Variants in TMEM232 observed in about 807,000 individuals in gnomAD.
TMEM232 encodes the protein transmembrane protein 232.
TMEM232 carries 80 observed loss-of-function variants against 78.8 expected under a neutral mutation model. That is an observed-to-expected ratio of 1.01 (90% confidence interval 0.85 to 1.22). The LOEUF is 1.22. Among genes scored for constraint, TMEM232 ranks in the 50% most tolerant of loss-of-function variants. The probability of loss-of-function intolerance (pLI) is 0.00; values close to 1 mark genes in which losing one functional copy is unlikely to be tolerated. For missense variants in TMEM232, 881 were observed against 742.2 expected, an observed-to-expected ratio of 1.19 and a Z score of -2.17; for synonymous variants, 297 against 254.3, an observed-to-expected ratio of 1.17 and a Z score of -1.60.
chr5:110,389,983 T>C (rs1270638593), intron 4 of TMEM232, among the ~76,000 whole-genome samples: 3 of 152,312 alleles, frequency 2.0e-5, no homozygotes, highest in Admixed American at 6.5e-5. Flanking sequence ...CTGGTACATA[T>C]GTGTGTCTGT....
chr5:110,636,226 G>A (rs537375601), intron 5 of TMEM232, among the ~76,000 whole-genome samples: 2 of 152,054 alleles, frequency 1.3e-5, no homozygotes, highest in South Asian at 4.1e-4. Flanking sequence ...CATGGACAAA[G>A]AGAACAGAAT....
At chr5:110,446,795 CT>C (rs1561505890) in intron 12 of TMEM232, among the ~76,000 whole-genome samples, 1 of 152,040 alleles carries the variant, frequency 6.6e-6, no homozygotes, top group Non-Finnish European at 1.5e-5. Flanking sequence ...AATATTCATT[CT>C]TTTGAAATCT....
At chr5:110,477,956 A>G (rs1487072495) in intron 12 of TMEM232, among the ~76,000 whole-genome samples, 2 of 151,916 alleles carry the variant, frequency 1.3e-5, no homozygotes, top group Non-Finnish European at 2.9e-5. Context: ...TATATTCTTA[A>G]TATCTTTTAT....
intron 3 of TMEM232, among the ~76,000 whole-genome samples, chr5:110,395,222 A>G (rs1755340582): frequency 6.6e-6 from 1 of 152,072 alleles, no homozygotes; most frequent in South Asian, 2.1e-4. Context: ...TGTTTTATAG[A>G]AGAGACAGGG....
intron 12 of TMEM232, among the ~76,000 whole-genome samples, chr5:110,466,887 A>T (rs982158738): frequency 2.9e-5 from 4 of 140,040 alleles, no homozygotes; most frequent in African/African-American, 1.3e-4. Flanking sequence ...ATGTTGCTTG[A>T]ACTATAGTAT....
chr5:110,616,764 A>T (rs544100680), intron 8 of TMEM232, among the ~76,000 whole-genome samples: 1 of 152,142 alleles, frequency 6.6e-6, no homozygotes, highest in Non-Finnish European at 1.5e-5. Flanking sequence ...TTATCACCTC[A>T]CACCTGTTAG....
At chr5:110,579,712 A>G (rs1777957888) in intron 10 of TMEM232, among the ~76,000 whole-genome samples, 1 of 151,568 alleles carries the variant, frequency 6.6e-6, no homozygotes, top group Admixed American at 6.6e-5. Flanking sequence ...AAGGCATGCA[A>G]ATAACAAACA....
At chr5:110,544,231 T>C (rs972405996) in intron 11 of TMEM232, among the ~76,000 whole-genome samples, 2 of 152,270 alleles carry the variant, frequency 1.3e-5, no homozygotes, top group African/African-American at 4.8e-5. Context: ...AAAATATCTA[T>C]GTTAACTTTA....
At chr5:110,519,185 A>T (rs1035394943) in intron 12 of TMEM232, among the ~76,000 whole-genome samples, 6 of 152,146 alleles carry the variant, frequency 3.9e-5, no homozygotes, top group African/African-American at 1.4e-4. Context: ...AAAGAGAAAG[A>T]TCTAAATAGA....
At chr5:110,514,770 G>A (rs557156821) in intron 12 of TMEM232, among the ~76,000 whole-genome samples, 5 of 152,154 alleles carry the variant, frequency 3.3e-5, no homozygotes, top group African/African-American at 1.2e-4. Flanking sequence ...TAAGTTAAGA[G>A]GCCAAGTCTA....
At chr5:110,437,786 T>C (rs1758597543) in intron 12 of TMEM232, among the ~76,000 whole-genome samples, 1 of 152,068 alleles carries the variant, frequency 6.6e-6, no homozygotes, top group African/African-American at 2.4e-5. Flanking sequence ...ATTTGATGAA[T>C]ACGAAGAATA....
intron 1 of TMEM232, among the ~76,000 whole-genome samples, chr5:110,679,376 G>GT (rs1005225633): frequency 2.6e-5 from 4 of 152,030 alleles, no homozygotes; most frequent in African/African-American, 4.8e-5. Context: ...CATGTTGCTT[G>GT]TTTTTTTCTT....
At chr5:110,596,075 C>A (rs926287814) in intron 10 of TMEM232, among the ~76,000 whole-genome samples, 2 of 152,118 alleles carry the variant, frequency 1.3e-5, no homozygotes, top group African/African-American at 2.4e-5. Context: ...AACGGCAGAT[C>A]TCTCAGCAGA....
At chr5:110,516,142 C>G (rs768816281) in intron 12 of TMEM232, among the ~76,000 whole-genome samples, 16 of 152,006 alleles carry the variant, frequency 1.1e-4, no homozygotes, top group South Asian at 4.2e-4. Context: ...AGGAGGCTGA[C>G]GCAGGAGAAC....
intron 12 of TMEM232, among the ~76,000 whole-genome samples, chr5:110,518,005 CT>C (rs759286306): frequency 2.2e-4 from 33 of 152,122 alleles, no homozygotes; most frequent in South Asian, 4.1e-4. Flanking sequence ...ACCTTTCATC[CT>C]CAGTATGTCT....
intron 12 of TMEM232, among the ~76,000 whole-genome samples, chr5:110,477,739 A>G (rs1383276936): frequency 1.3e-5 from 2 of 151,890 alleles, no homozygotes; most frequent in Non-Finnish European, 2.9e-5. Context: ...TTGTCAACTT[A>G]CTACATCAAC....
chr5:110,433,338 T>C (rs1013277668), intron 12 of TMEM232, among the ~76,000 whole-genome samples: 1 of 151,760 alleles, frequency 6.6e-6, no homozygotes, highest in Non-Finnish European at 1.5e-5. Flanking sequence ...CTCAAAGCCA[T>C]AGAAATACAT....
chr5:110,575,417 T>C (rs141003446), intron 10 of TMEM232, among the ~76,000 whole-genome samples: 5,158 of 152,082 alleles, frequency 0.034, 133 homozygotes, highest in African/African-American at 0.065. Flanking sequence ...AAAAGGTAGA[T>C]GAATAATGAA....
intron 12 of TMEM232, among the ~76,000 whole-genome samples, chr5:110,525,335 A>G (rs1426371781): frequency 6.6e-6 from 1 of 152,036 alleles, no homozygotes; most frequent in African/African-American, 2.4e-5. Context: ...AAATTCAATG[A>G]CTGAATTTAC....
Sources: allele counts gnomAD v4.1 joint callset (sites outside exome capture counted in the v4.1 genomes callset), GRCh38; gene constraint gnomAD v4.1.1; transcripts MANE v1.5; gene names NCBI Gene and HGNC (gene_info 2026-07-23, HGNC 2026-07-21).